The following ARHGAP15 variants were observed in gnomAD, a reference collection of about 807,000 sequenced individuals.
The protein encoded by ARHGAP15 is rho GTPase-activating protein 15.
ARHGAP15 carries 51 observed loss-of-function variants against 63.7 expected under a neutral mutation model. The ratio of observed to expected loss-of-function variants is 0.80; its 90% CI spans 0.64 to 1.01. ARHGAP15 has a LOEUF of 1.01. ARHGAP15 is among the 50% of genes least tolerant of loss of function. The probability of loss-of-function intolerance (pLI) is 0.00; values close to 1 mark genes in which losing one functional copy is unlikely to be tolerated. For synonymous variants in ARHGAP15, 191 were observed against 193.8 expected (o/e 0.99, Z 0.12); for missense variants, 560 against 564.6 (o/e 0.99, Z 0.08).
At chr2:143,717,515 C>A (rs1261897307) in intron 13 of ARHGAP15, among the ~76,000 whole-genome samples, 1 of 152,226 alleles carries the variant, frequency 6.6e-6, no homozygotes, top group African/African-American at 2.4e-5. Context: ...ATGAAAACCT[C>A]AGCCATTTAC....
intron 8 of ARHGAP15, among the ~76,000 whole-genome samples, chr2:143,473,193 A>C (rs1425938171): frequency 2.6e-5 from 4 of 152,200 alleles, no homozygotes. Context: ...TCAGCTGGCC[A>C]TTGACTTGCA....
At chr2:143,419,834 T>G (rs953295880) in intron 6 of ARHGAP15, among the ~76,000 whole-genome samples, 1 of 151,282 alleles carries the variant, frequency 6.6e-6, no homozygotes, top group Admixed American at 6.6e-5. Context: ...AGAAATAGTT[T>G]GCTTTAATAT....
intron 10 of ARHGAP15, among the ~76,000 whole-genome samples, chr2:143,544,651 G>A (rs1695248028): frequency 6.6e-6 from 1 of 152,128 alleles, no homozygotes; most frequent in Non-Finnish European, 1.5e-5. Flanking sequence ...ATTTGTTACT[G>A]TATCCCCAAT....
intron 12 of ARHGAP15, among the ~76,000 whole-genome samples, chr2:143,673,738 G>A (rs1682654012): frequency 3.1e-5 from 1 of 31,782 alleles, no homozygotes; most frequent in South Asian, 2.2e-3. Context: ...GTGTGTGTGT[G>A]TGTGTGTGTG....
chr2:143,557,383 A>C (rs1695849710), intron 11 of ARHGAP15, among the ~76,000 whole-genome samples: 1 of 152,144 alleles, frequency 6.6e-6, no homozygotes. Flanking sequence ...AAAACAAGCC[A>C]GTGTGAAAAG....
intron 12 of ARHGAP15, among the ~76,000 whole-genome samples, chr2:143,641,900 C>T (rs1386957773): frequency 6.6e-6 from 1 of 152,014 alleles, no homozygotes; most frequent in Non-Finnish European, 1.5e-5. Flanking sequence ...AGGATGTATA[C>T]AAACTTGCCC....
intron 11 of ARHGAP15, among the ~76,000 whole-genome samples, chr2:143,584,471 C>T (rs1173163939): frequency 2.0e-5 from 3 of 151,884 alleles, no homozygotes; most frequent in African/African-American, 7.3e-5. Context: ...ACTAAAAATA[C>T]AAAAATTAGC....
At chr2:143,684,357 G>A (rs552931718) in intron 12 of ARHGAP15, among the ~76,000 whole-genome samples, 3 of 152,072 alleles carry the variant, frequency 2.0e-5, no homozygotes, top group Non-Finnish European at 4.4e-5. Flanking sequence ...GGGGGTTAAG[G>A]GTGTTTCTGC....
At chr2:143,748,711 A>C (rs1459876067) in intron 13 of ARHGAP15, among the ~76,000 whole-genome samples, 2 of 152,194 alleles carry the variant, frequency 1.3e-5, no homozygotes, top group Non-Finnish European at 2.9e-5. Flanking sequence ...CTCTCAAAAT[A>C]AAGATGAAAA....
intron 12 of ARHGAP15, among the ~76,000 whole-genome samples, chr2:143,626,783 T>A (rs2105246183): frequency 6.6e-6 from 1 of 152,284 alleles, no homozygotes; most frequent in East Asian, 1.9e-4. Flanking sequence ...AATCCTCTTG[T>A]AAGACAGAAA....
intron 10 of ARHGAP15, among the ~76,000 whole-genome samples, chr2:143,537,805 G>T (rs1694850064): frequency 6.6e-6 from 1 of 152,132 alleles, no homozygotes. Flanking sequence ...TTTGAAGTCA[G>T]GTAGCATGAT....
chr2:143,476,477 C>G (rs1299366323), intron 8 of ARHGAP15, among the ~76,000 whole-genome samples: 1 of 152,076 alleles, frequency 6.6e-6, no homozygotes, highest in Non-Finnish European at 1.5e-5. Context: ...ATGAAGAAAA[C>G]ATTCTAAGGT....
chr2:143,413,779 A>G (rs1039746677), intron 6 of ARHGAP15, among the ~76,000 whole-genome samples: 4 of 152,080 alleles, frequency 2.6e-5, no homozygotes, highest in Non-Finnish European at 4.4e-5. Context: ...CAGCGTACTC[A>G]TAGCTTTTCA....
At chr2:143,528,291 C>T (rs914217214) in intron 10 of ARHGAP15, among the ~76,000 whole-genome samples, 1 of 152,016 alleles carries the variant, frequency 6.6e-6, no homozygotes, top group African/African-American at 2.4e-5. Context: ...AGTTAAGCCC[C>T]ACATCTTTTC....
intron 6 of ARHGAP15, among the ~76,000 whole-genome samples, chr2:143,317,134 T>G (rs1254018842): frequency 1.3e-5 from 2 of 152,184 alleles, no homozygotes; most frequent in African/African-American, 2.4e-5. Flanking sequence ...TATTATTAAA[T>G]AGTTGACTGC....
chr2:143,221,021 CT>C, intron 4 of ARHGAP15, among the ~76,000 whole-genome samples: 1 of 152,214 alleles, frequency 6.6e-6, no homozygotes, highest in South Asian at 2.1e-4. Context: ...GCCCTGACCT[CT>C]GCTTGAAACA....
chr2:143,765,907 T>G (rs1164392793), intron 13 of ARHGAP15, among the ~76,000 whole-genome samples: 3 of 152,114 alleles, frequency 2.0e-5, no homozygotes, highest in Non-Finnish European at 2.9e-5. Context: ...TTCATGGGCT[T>G]GTTATGATGA....
chr2:143,544,520 G>T (rs572002929), intron 10 of ARHGAP15, among the ~76,000 whole-genome samples: 3 of 152,084 alleles, frequency 2.0e-5, no homozygotes, highest in Admixed American at 6.6e-5. Flanking sequence ...TAAAATAGTT[G>T]GGAAATATGT....
intron 6 of ARHGAP15, among the ~76,000 whole-genome samples, chr2:143,373,586 C>T (rs1207973432): frequency 1.5e-5 from 2 of 132,666 alleles, no homozygotes; most frequent in Non-Finnish European, 3.1e-5. Flanking sequence ...GCCAAGATAG[C>T]ACCACTGCAC....
Sources: allele counts gnomAD v4.1 joint callset (sites outside exome capture counted in the v4.1 genomes callset), GRCh38; gene constraint gnomAD v4.1.1; transcripts MANE v1.5; gene names NCBI Gene and HGNC (gene_info 2026-07-23, HGNC 2026-07-21).